TMEM30A: variants seen among roughly 807,000 people sequenced by gnomAD.
TMEM30A encodes the protein cell cycle control protein 50A.
Under a neutral mutation model 38.2 loss-of-function variants are expected in TMEM30A, and 24 were observed. The observed-to-expected ratio is 0.63, with a 90% CI of 0.46 to 0.88. TMEM30A has a LOEUF of 0.88. Ranked by LOEUF, TMEM30A falls within the 40% of genes least tolerant of loss-of-function variation. The pLI is 0.00. For missense variants in TMEM30A, 370 were observed against 458.6 expected (o/e 0.81, Z 1.77); for synonymous variants, 145 against 161.6 (o/e 0.90, Z 0.78).
intron 3 of TMEM30A, among the ~76,000 whole-genome samples, chr6:75,265,021 T>TG (rs1180546255): frequency 6.6e-6 from 1 of 151,542 alleles, no homozygotes; most frequent in Non-Finnish European, 1.5e-5. Context: ...TGCTTGAACC[T>TG]GGGGGGTGGA....
chr6:75,262,005 A>G (rs1771972849), intron 3 of TMEM30A, among the ~76,000 whole-genome samples: 1 of 152,228 alleles, frequency 6.6e-6, no homozygotes, highest in African/African-American at 2.4e-5. Context: ...TGTGTCAGGT[A>G]CTAAACTAAG....
Position 75,260,889 on chromosome 6 carries a change from G to T in TMEM30A, c.476C>A (p.Pro159His). The T allele has an allele frequency of 6.2e-7, 1 of 1,600,792 alleles. No individual in the cohort carries two copies. The highest frequency in any genetic ancestry group is 1.1e-5 in the South Asian group (1 of 87,854). Residue 159 changes from proline to histidine, a missense_variant, in exon 4 of 7, where the codon CCT becomes CAT. Coordinates refer to ENST00000230461, the MANE Select transcript of TMEM30A (RefSeq NM_018247.4). Reference sequence around the variant, plus strand: ...TGGTTTGTCTTCATTTCTTCGATAAGGTTCACATTCCTTACTGGGATTCTG... The same window carrying T: ...TGGTTTGTCTTCATTTCTTCGATAATGTTCACATTCCTTACTGGGATTCTG... ...ALLNPSKECEPYRRNEDKPIA... is the reference protein window; with the variant it reads ...ALLNPSKECEHYRRNEDKPIA...
chr6:75,262,997 T>C (rs1315146262), intron 3 of TMEM30A, among the ~76,000 whole-genome samples: 1 of 152,200 alleles, frequency 6.6e-6, no homozygotes, highest in African/African-American at 2.4e-5. Context: ...GATAAGCAAA[T>C]ATGTAATTAC....
chr6:75,258,780 T>C lies in TMEM30A; in HGVS notation c.892A>G (p.Asn298Asp), dbSNP rs373715694. 4 of 1,613,580 alleles carry C rather than the reference T, an allele frequency of 2.5e-6. No individual in the cohort carries two copies. The highest frequency in any genetic ancestry group is 3.4e-6 in the Non-Finnish European group (4 of 1,179,630). ...AGRYSLNVTY[N>D]YPVHYFDGRK... ...TGTATACCCAGCCAAAAAAGGATAC[T>C]GTATGTGACATTCAAAGAGTATCGG... The change falls in exon 6 of 7, where the codon AAT (asparagine) becomes GAT (aspartate). Residue 298 changes from asparagine (N) to aspartate (D), a missense_variant and splice_region_variant. By Grantham distance (23) the Asn-to-Asp change is conservative. Coordinates refer to ENST00000230461, the MANE Select transcript of TMEM30A (RefSeq NM_018247.4).
chr6:75,282,070 TCC>T (rs1382224843), intron 1 of TMEM30A, among the ~76,000 whole-genome samples: 1 of 152,210 alleles, frequency 6.6e-6, no homozygotes, highest in East Asian at 1.9e-4. Context: ...TTTAAACACA[TCC>T]TGCTTTTTTA....
At chr6:75,261,777 T>C (rs1771968635) in intron 3 of TMEM30A, among the ~76,000 whole-genome samples, 1 of 152,178 alleles carries the variant, frequency 6.6e-6, no homozygotes, top group Admixed American at 6.5e-5. Flanking sequence ...ATTCTCCATG[T>C]CTAGATTGGA....
intron 6 of TMEM30A, chr6:75,256,710 G>T: frequency 2.2e-6 from 1 of 456,962 alleles, no homozygotes; most frequent in Non-Finnish European, 4.3e-6. Context: ...TGAGCTCAAA[G>T]AACACATGTA....
chr6:75,266,283 G>C (rs1239587981), intron 2 of TMEM30A, among the ~76,000 whole-genome samples: 3 of 152,068 alleles, frequency 2.0e-5, no homozygotes, highest in Non-Finnish European at 2.9e-5. Flanking sequence ...TTTAATGCTT[G>C]ACTTTCAAAT....
Position 75,284,421 on chromosome 6 carries a change from T to C in TMEM30A, c.218A>G (p.Asn73Ser). ...CCTCACCTCGATCTCGCGGATGTTG[T>C]TGGAGGTGACAAAAATGCCAATGCC... ...PIGIGIFVTS[N>S]NIREIEIDYT... The change falls in exon 1 of 7, where the codon AAC becomes AGC. Residue 73 changes from asparagine (N) to serine (S), a missense_variant. Asn to Ser is a conservative substitution (Grantham distance 46). Coordinates refer to ENST00000230461, the MANE Select transcript of TMEM30A (RefSeq NM_018247.4). 12 of 1,613,992 alleles carry C rather than the reference T, an allele frequency of 7.4e-6. No individual in the cohort carries two copies. The highest frequency in any genetic ancestry group is 7.6e-6 in the Non-Finnish European group (9 of 1,179,922).
chr6:75,281,257 G>A (rs1382033204), intron 1 of TMEM30A, among the ~76,000 whole-genome samples: 1 of 152,076 alleles, frequency 6.6e-6, no homozygotes, highest in Non-Finnish European at 1.5e-5. Flanking sequence ...TATTTTTCAA[G>A]TAACCTCTGT....
In TMEM30A at chr6:75,255,405, T is replaced by C. The variant is rs1297215580; in HGVS notation, c.*697A>G. The stretch of plus-strand genomic sequence containing the variant: ...AACATTCCAAGTGAGTTGGGGTTCC[T>C]GACTGCAACATTCAACCAAACGGAA... On this transcript the variant is annotated 3_prime_UTR_variant, in exon 7 of 7. Coordinates refer to ENST00000230461, the MANE Select transcript of TMEM30A (RefSeq NM_018247.4). 6.6e-6 allele frequency: 1 copy of C among 152,504 alleles called. No individual in the cohort carries two copies. Among genetic ancestry groups the C allele is most frequent in the Non-Finnish European group, 1.5e-5 (1 of 67,988 alleles). The allele number at this position is 152,504 out of a possible 1,614,324, so 9.4% of individuals were successfully genotyped here.
At chr6:75,283,010 T>C (rs1772384694) in intron 1 of TMEM30A, among the ~76,000 whole-genome samples, 1 of 152,160 alleles carries the variant, frequency 6.6e-6, no homozygotes, top group South Asian at 2.1e-4. Flanking sequence ...GCAGGACTAT[T>C]AGGGAGATTA....
intron 1 of TMEM30A, among the ~76,000 whole-genome samples, chr6:75,269,601 C>T (rs1772132424): frequency 2.6e-5 from 4 of 152,210 alleles, no homozygotes; most frequent in Admixed American, 2.6e-4. Context: ...AGCTGTTAAA[C>T]ATCCATGTGC....
At chr6:75,262,522 A>G (rs1454566274) in intron 3 of TMEM30A, among the ~76,000 whole-genome samples, 1 of 152,000 alleles carries the variant, frequency 6.6e-6, no homozygotes, top group Non-Finnish European at 1.5e-5. Context: ...GGGGGCCTAT[A>G]ATCCCAGCTA....
chr6:75,272,300 C>T lies in TMEM30A; in HGVS notation c.238-4552G>A, dbSNP rs556191889. Among the ~76,000 whole-genome samples, 17 of 152,364 alleles carry T rather than the reference C, an allele frequency of 1.1e-4. No individual in the cohort carries two copies. In the South Asian group the frequency reaches 3.1e-3, roughly 28 times the overall value. On this transcript the variant is annotated intron_variant, in intron 1 of 6. Coordinates refer to ENST00000230461, the MANE Select transcript of TMEM30A (RefSeq NM_018247.4). ...GCCTCCTATCAACTATTAGTTCTTA[C>T]ACTTTAGCCCAGTTAGTTGCTTCGG...
At chr6:75,260,443 TG>T (rs1390360832) in intron 4 of TMEM30A, among the ~76,000 whole-genome samples, 1 of 151,730 alleles carries the variant, frequency 6.6e-6, no homozygotes, top group African/African-American at 2.4e-5. Context: ...AGACAGAAAA[TG>T]TAAAATTACC....
chr6:75,259,612 T>C lies in TMEM30A; in HGVS notation c.542-122A>G, dbSNP rs572343433. The C allele has an allele frequency of 3.4e-5, 26 of 759,470 alleles. No individual in the cohort carries two copies. The South Asian group carries it at 6.2e-4, about 18-fold the overall frequency. The allele number at this position is 759,470 out of a possible 1,614,324, so 47.0% of individuals were successfully genotyped here. A position where few individuals can be genotyped will look rare whatever the true frequency, so the allele number is the denominator to read the frequency against. ...AAAAGTGGTTGTGACAGAGTAGGCATATGATTCACATTTGTTCTTTATTCC... is the reference window on the plus strand; with the variant it reads ...AAAAGTGGTTGTGACAGAGTAGGCACATGATTCACATTTGTTCTTTATTCC... On this transcript the variant is annotated intron_variant, in intron 4 of 6. Coordinates refer to ENST00000230461, the MANE Select transcript of TMEM30A (RefSeq NM_018247.4).
chr6:75,274,798 C>T (rs911778177), intron 1 of TMEM30A, among the ~76,000 whole-genome samples: 5 of 151,948 alleles, frequency 3.3e-5, no homozygotes, highest in East Asian at 1.9e-4. Context: ...CCAAGGCGAG[C>T]GGATCATGAG....
chr6:75,278,645 C>T (rs752258389), intron 1 of TMEM30A, among the ~76,000 whole-genome samples: 1 of 152,164 alleles, frequency 6.6e-6, no homozygotes, highest in Non-Finnish European at 1.5e-5. Flanking sequence ...CAGCTTCACA[C>T]TATGTTCCTA....
Sources: gnomAD v4.1 joint callset for allele counts (sites outside exome capture counted in the v4.1 genomes callset) on GRCh38, gnomAD v4.1.1 for gene constraint, MANE v1.5 for transcripts, NCBI Gene and HGNC (gene_info 2026-07-23, HGNC 2026-07-21) for gene names.